Variants in NFIL3 observed in about 807,000 individuals in gnomAD.
NFIL3 encodes nuclear factor, interleukin 3 regulated.
Under a neutral mutation model 10.0 loss-of-function variants are expected in NFIL3, and 5 were observed. The observed-to-expected ratio is 0.50, with a 90% CI of 0.26 to 1.06. The LOEUF (loss-of-function observed/expected upper bound fraction) is 1.06. NFIL3 is among the 50% of genes least tolerant of loss of function. The pLI, the probability that NFIL3 is intolerant of heterozygous loss-of-function variation, is 0.13. For synonymous variants in NFIL3, 202 were observed against 206.5 expected (o/e 0.98, Z 0.19); for missense variants, 436 against 547.6 (o/e 0.80, Z 2.03).
In NFIL3 at chr9:91,410,599, G is replaced by A; in HGVS notation, c.136C>T (p.Leu46Phe). The change falls in exon 2 of 2, where the codon CTT becomes TTT. Residue 46 changes from leucine to phenylalanine, a missense_variant. Physicochemically the swap from Leu to Phe is conservative, Grantham distance 22. This residue lies in a region of NFIL3 where 76 missense variants were observed against 73.0 expected (regional missense o/e 1.04). Coordinates refer to ENST00000297689, the MANE Select transcript of NFIL3 (RefSeq NM_005384.3). This position sits in a 1 kb window ranked among gnomAD's most constrained non-coding sequence, Gnocchi z 5.7. ...TTCCCCACACTTCCTTCACTGAGAAGCAGCTCCTCACCTGTTGTGGAGTCT... is the reference window on the plus strand; with the variant it reads ...TTCCCCACACTTCCTTCACTGAGAAACAGCTCCTCACCTGTTGTGGAGTCT... ...SEDSTTGEEL[L>F]LSEGSVGKNK... is the part of the protein sequence containing the mutation. 1.2e-6 allele frequency: 2 copies of A among 1,614,212 alleles called. No homozygotes were observed. Among genetic ancestry groups the A allele is most frequent in the Non-Finnish European group, 1.7e-6 (2 of 1,180,046 alleles).
At chr9:91,451,302 A>G in the NFIL3 span, among the ~76,000 whole-genome samples, 13 of 152,182 alleles carry the variant, frequency 8.5e-5, no homozygotes, top group Admixed American at 3.3e-4. Flanking sequence ...CTATTGATCT[A>G]TAAGTGTCAG....
At chr9:91,454,714 C>T in the NFIL3 span, among the ~76,000 whole-genome samples, 1 of 152,060 alleles carries the variant, frequency 6.6e-6, no homozygotes, top group Middle Eastern at 3.2e-3. Context: ...TGCCTGTAAT[C>T]CCAGCTACTG....
intron 1 of NFIL3, among the ~76,000 whole-genome samples, chr9:91,417,486 T>C (rs1313996369): frequency 3.9e-5 from 6 of 152,200 alleles, no homozygotes; most frequent in Non-Finnish European, 7.3e-5. Context: ...TTCCTGTGGG[T>C]AAAATTCACA....
At chr9:91,464,249 T>C in the NFIL3 span, among the ~76,000 whole-genome samples, 2 of 152,078 alleles carry the variant, frequency 1.3e-5, no homozygotes, top group African/African-American at 4.8e-5. Context: ...TCTCAGGTTT[T>C]AACTGAGCAT....
Position 91,409,361 on chromosome 9 carries a change from A to G in NFIL3, c.1374T>C (p.Ala458=), listed in dbSNP as rs761076941. The change falls in exon 2 of 2, where the codon GCT becomes GCC. Residue 458 remains alanine (A), a synonymous_variant. Transcript: ENST00000297689. ...KRLIATQPIS[A]SDSG ...CAGTAGTAATTTACCCAGAGTCTGA[A>G]GCAGAGATTGGTTGTGTGGCTATAA... is the stretch of plus-strand genomic sequence containing the variant. 3.8e-6 allele frequency: 6 copies of G among 1,571,528 alleles called. No individual in the cohort carries two copies. In the East Asian group the frequency reaches 9.0e-5, roughly 23 times the overall value.
At chr9:91,416,486 T>G (rs568495873) in intron 1 of NFIL3, among the ~76,000 whole-genome samples, 1 of 152,378 alleles carries the variant, frequency 6.6e-6, no homozygotes, top group East Asian at 1.9e-4. Flanking sequence ...TCTTTTCAAA[T>G]CAACATCTAA....
the NFIL3 span, among the ~76,000 whole-genome samples, chr9:91,454,436 C>G: frequency 1.7e-4 from 26 of 151,934 alleles, 1 homozygote; most frequent in African/African-American, 6.0e-4. Context: ...AAAAATGCTA[C>G]AGTAAAACCA....
the NFIL3 span, among the ~76,000 whole-genome samples, chr9:91,478,727 G>GT: frequency 6.6e-6 from 1 of 151,970 alleles, no homozygotes; most frequent in South Asian, 2.1e-4. Flanking sequence ...AAGATGTTCT[G>GT]TTTTTTGGAA....
the NFIL3 span, among the ~76,000 whole-genome samples, chr9:91,460,708 C>G: frequency 6.6e-6 from 1 of 152,150 alleles, no homozygotes; most frequent in Non-Finnish European, 1.5e-5. Flanking sequence ...CTGCAAAGTT[C>G]CTGAGTTATG....
chr9:91,465,614 C>T, the NFIL3 span, among the ~76,000 whole-genome samples: 14,879 of 152,004 alleles, frequency 0.098, 1,030 homozygotes, highest in East Asian at 0.26. Context: ...CAGATTCCAG[C>T]GTTTGCTTTG....
Position 91,415,887 on chromosome 9 carries a change from A to G in NFIL3, c.-172-4981T>C, listed in dbSNP as rs559203968. 5.3e-5 allele frequency among the ~76,000 whole-genome samples: 8 copies of G among 152,298 alleles called. No homozygotes were observed. The South Asian group carries it at 1.0e-3, about 20-fold the overall frequency. ...GGTGATCCGCCTGCCACAGCCTCCC[A>G]AAGTGCTGGGATTACAGGCGTGAGC... On this transcript the variant is annotated intron_variant, in intron 1 of 1. Transcript: ENST00000297689.
intron 1 of NFIL3, among the ~76,000 whole-genome samples, chr9:91,412,150 C>T (rs1350871365): frequency 7.0e-6 from 1 of 141,878 alleles, no homozygotes; most frequent in African/African-American, 2.6e-5. Flanking sequence ...AAAACACTTA[C>T]TATTCAAAGG....
upstream of NFIL3, among the ~76,000 whole-genome samples, chr9:91,424,748 C>T (rs1833850752): frequency 6.6e-6 from 1 of 152,230 alleles, no homozygotes; most frequent in South Asian, 2.1e-4. Flanking sequence ...TGAAGGTCCG[C>T]GCTCGGGTGC....
At chr9:91,431,457 T>G in the NFIL3 span, among the ~76,000 whole-genome samples, 1 of 152,134 alleles carries the variant, frequency 6.6e-6, no homozygotes, top group African/African-American at 2.4e-5. Context: ...CTTGGGCGCA[T>G]CACATATATT....
At chr9:91,459,953 C>T in the NFIL3 span, among the ~76,000 whole-genome samples, 9 of 152,254 alleles carry the variant, frequency 5.9e-5, no homozygotes, top group African/African-American at 1.9e-4. Context: ...ATACCCTCTT[C>T]ATCCAGAATC....
chr9:91,475,968 T>A, the NFIL3 span, among the ~76,000 whole-genome samples: 1 of 152,240 alleles, frequency 6.6e-6, no homozygotes, highest in African/African-American at 2.4e-5. Flanking sequence ...CACTGTGGGG[T>A]CCCTGACACC....
chr9:91,427,371 C>G (rs1344524063), upstream of NFIL3, among the ~76,000 whole-genome samples: 1 of 152,140 alleles, frequency 6.6e-6, no homozygotes, highest in Non-Finnish European at 1.5e-5. Context: ...ACCTGGCAAC[C>G]AAATTGGGCA....
At chr9:91,431,470 G>A in the NFIL3 span, among the ~76,000 whole-genome samples, 1 of 152,156 alleles carries the variant, frequency 6.6e-6, no homozygotes, top group African/African-American at 2.4e-5. Flanking sequence ...CATATATTAA[G>A]ATGTTTCATC....
chr9:91,424,376 C>T (rs894212857), upstream of NFIL3, among the ~76,000 whole-genome samples: 5 of 152,212 alleles, frequency 3.3e-5, no homozygotes, highest in Admixed American at 2.0e-4. Context: ...TCGGCCTCCC[C>T]TTCCCCGCAC....
Sources: gnomAD v4.1 joint callset for allele counts (sites outside exome capture counted in the v4.1 genomes callset) on GRCh38, gnomAD v4.1.1 for gene constraint, gnomAD v4.1.1 regional missense constraint, Gnocchi (gnomAD v3.1) non-coding constraint, MANE v1.5 for transcripts, NCBI Gene and HGNC (gene_info 2026-07-23, HGNC 2026-07-21) for gene names.